Variants in UNC5C observed in about 807,000 individuals in gnomAD.
UNC5C encodes the protein unc-5 netrin receptor C.
Under a neutral mutation model 99.8 loss-of-function variants are expected in UNC5C, and 47 were observed. The observed-to-expected ratio is 0.47, with a 90% CI of 0.37 to 0.60. UNC5C has a LOEUF of 0.60. UNC5C is among the 20% of genes least tolerant of loss of function. The pLI, the probability that UNC5C is intolerant of heterozygous loss-of-function variation, is 0.00. For missense variants in UNC5C, 1,062 were observed against 1,165.9 expected (o/e 0.91, Z 1.30); for synonymous variants, 487 against 452.2 (o/e 1.08, Z -0.98).
chr4:95,541,683 C>A (rs899901899), intron 1 of UNC5C, among the ~76,000 whole-genome samples: 1 of 151,876 alleles, frequency 6.6e-6, no homozygotes, highest in Non-Finnish European at 1.5e-5. Flanking sequence ...AGAAAACCTG[C>A]ATTTCTATTT....
rs566297367 is a variant in UNC5C at position 95,310,402 on chromosome 4, G to A, written c.347-8653C>T. On this transcript the variant is annotated intron_variant, in intron 2 of 15. Transcript: ENST00000453304. Reference sequence around the variant, plus strand: ...TGAACACAGTTGATGGTAATGTGTTGTGTACTTGAAATTTGCCAAGACAGT... The same window carrying A: ...TGAACACAGTTGATGGTAATGTGTTATGTACTTGAAATTTGCCAAGACAGT... 4.0e-4 allele frequency among the ~76,000 whole-genome samples: 58 copies of A among 144,592 alleles called. No individual in the cohort carries two copies. In the Middle Eastern group the frequency reaches 0.011, roughly 27 times the overall value. The allele number at this position is 144,592 out of a possible 152,430, so 94.9% of individuals were successfully genotyped here. A position where few individuals can be genotyped will look rare whatever the true frequency, so the allele number is the denominator to read the frequency against.
At chr4:95,524,837 T>C (rs1722457589) in intron 1 of UNC5C, among the ~76,000 whole-genome samples, 1 of 152,156 alleles carries the variant, frequency 6.6e-6, no homozygotes, top group Non-Finnish European at 1.5e-5. Flanking sequence ...CCAAGGAACA[T>C]GAGTTGTAGC....
intron 1 of UNC5C, among the ~76,000 whole-genome samples, chr4:95,440,084 C>T (rs540341488): frequency 3.9e-5 from 6 of 152,276 alleles, no homozygotes; most frequent in African/African-American, 1.4e-4. Context: ...GTGGTTCTGC[C>T]TCTGCTGTTC....
At chr4:95,237,774 G>T (rs774096704) in intron 7 of UNC5C, among the ~76,000 whole-genome samples, 1 of 152,132 alleles carries the variant, frequency 6.6e-6, no homozygotes, top group Non-Finnish European at 1.5e-5. Flanking sequence ...CAGACCCGGC[G>T]CAGTGGCTCA....
intron 12 of UNC5C, among the ~76,000 whole-genome samples, chr4:95,195,221 T>A (rs1331793837): frequency 6.6e-6 from 1 of 152,148 alleles, no homozygotes; most frequent in East Asian, 1.9e-4. Context: ...CAAATTACTG[T>A]CCTAAGAGGT....
chr4:95,454,110 C>CA (rs993102673), intron 1 of UNC5C, among the ~76,000 whole-genome samples: 3 of 151,786 alleles, frequency 2.0e-5, no homozygotes, highest in Non-Finnish European at 2.9e-5. Context: ...TGTGAGTGCA[C>CA]AAAAAAACCA....
intron 4 of UNC5C, among the ~76,000 whole-genome samples, chr4:95,269,521 C>T (rs985970449): frequency 1.3e-5 from 2 of 151,308 alleles, no homozygotes; most frequent in Middle Eastern, 3.2e-3. Flanking sequence ...CTCCTAGGCT[C>T]GAGTGATCCT....
intron 2 of UNC5C, among the ~76,000 whole-genome samples, chr4:95,315,085 T>C (rs1742422223): frequency 6.6e-6 from 1 of 152,158 alleles, no homozygotes; most frequent in Admixed American, 6.6e-5. Flanking sequence ...GAGGTAAGCA[T>C]TGGATCATGG....
At chr4:95,548,185 A>G (rs940153422) in intron 1 of UNC5C, among the ~76,000 whole-genome samples, 1 of 152,020 alleles carries the variant, frequency 6.6e-6, no homozygotes, top group Non-Finnish European at 1.5e-5. Context: ...GCAGCAGGCG[A>G]GGGGGACGGG....
chr4:95,452,816 C>T (rs1029240197), intron 1 of UNC5C, among the ~76,000 whole-genome samples: 1 of 152,084 alleles, frequency 6.6e-6, no homozygotes, highest in African/African-American at 2.4e-5. Flanking sequence ...ACATACAACA[C>T]AGATCTACCA....
chr4:95,380,239 A>G (rs1745031126), intron 1 of UNC5C, among the ~76,000 whole-genome samples: 1 of 152,126 alleles, frequency 6.6e-6, no homozygotes, highest in Non-Finnish European at 1.5e-5. Flanking sequence ...ATACGTATCT[A>G]AAAATATTTT....
intron 2 of UNC5C, among the ~76,000 whole-genome samples, chr4:95,317,779 T>C (rs188864308): frequency 5.6e-4 from 85 of 152,238 alleles, no homozygotes; most frequent in Middle Eastern, 6.8e-3. Flanking sequence ...ACCTTAGAAA[T>C]ACCGACCAAA....
intron 7 of UNC5C, among the ~76,000 whole-genome samples, chr4:95,236,699 A>G (rs1241437012): frequency 6.6e-6 from 1 of 152,132 alleles, no homozygotes; most frequent in African/African-American, 2.4e-5. Flanking sequence ...TCTTTTACTA[A>G]GCATACCTTT....
intron 14 of UNC5C, among the ~76,000 whole-genome samples, chr4:95,180,822 C>T (rs548727171): frequency 2.0e-5 from 3 of 152,316 alleles, no homozygotes; most frequent in Admixed American, 2.0e-4. Context: ...GCCTCATTGC[C>T]ATCTTGCCCT....
intron 1 of UNC5C, among the ~76,000 whole-genome samples, chr4:95,500,717 T>G (rs1428554468): frequency 6.6e-6 from 1 of 152,148 alleles, no homozygotes; most frequent in African/African-American, 2.4e-5. Context: ...TTTACTAAAA[T>G]GAATAGAAAA....
chr4:95,431,044 C>T (rs778931831), intron 1 of UNC5C, among the ~76,000 whole-genome samples: 8 of 152,084 alleles, frequency 5.3e-5, no homozygotes, highest in Admixed American at 2.6e-4. Context: ...ACCATTTTCT[C>T]TCTAGCCCCT....
At chr4:95,292,236 C>CATATATATATATAT (rs71583696) in intron 3 of UNC5C, among the ~76,000 whole-genome samples, 5 of 88,754 alleles carry the variant, frequency 5.6e-5, no homozygotes, top group Non-Finnish European at 1.1e-4. Context: ...CACACACACA[C>CATATATATATATAT]ATATATATAT....
At chr4:95,424,502 A>ATTTTTTTTTTTTTTTTTT (rs202226117) in intron 1 of UNC5C, among the ~76,000 whole-genome samples, 5 of 95,818 alleles carry the variant, frequency 5.2e-5, no homozygotes, top group Admixed American at 1.0e-4. Flanking sequence ...GGGCTTCAGA[A>ATTTTTTTTTTTTTTTTTT]TTTTTTTTTT....
intron 1 of UNC5C, among the ~76,000 whole-genome samples, chr4:95,377,989 C>G (rs1744946705): frequency 6.6e-6 from 1 of 152,166 alleles, no homozygotes; most frequent in Non-Finnish European, 1.5e-5. Flanking sequence ...TCCCCACCCT[C>G]CTTCCAATAA....
Sources: allele counts gnomAD v4.1 joint callset (sites outside exome capture counted in the v4.1 genomes callset), GRCh38; gene constraint gnomAD v4.1.1; transcripts MANE v1.5; gene names NCBI Gene and HGNC (gene_info 2026-07-23, HGNC 2026-07-21).